Variants in PRR5L observed in about 807,000 individuals in gnomAD.
PRR5L encodes proline-rich protein 5-like.
A neutral mutation model predicts 36.4 loss-of-function variants in PRR5L; 21 were observed. The ratio of observed to expected loss-of-function variants is 0.58; its 90% CI spans 0.41 to 0.83. The LOEUF (loss-of-function observed/expected upper bound fraction) is 0.83, where lower values mean the gene tolerates loss of function less well. PRR5L is among the 40% of genes least tolerant of loss of function. The pLI, the probability that PRR5L is intolerant of heterozygous loss-of-function variation, is 0.00. For missense variants in PRR5L, 381 were observed against 473.3 expected, an observed-to-expected ratio of 0.80 and a Z score of 1.81; for synonymous variants, 188 against 197.0, an observed-to-expected ratio of 0.95 and a Z score of 0.38.
chr11:36,416,802 C>G (rs1054589832), intron 3 of PRR5L, among the ~76,000 whole-genome samples: 2 of 134,484 alleles, frequency 1.5e-5, no homozygotes, highest in Non-Finnish European at 1.6e-5. Context: ...TAGAGTGAAG[C>G]CCCTTCGTGC....
chr11:36,339,252 C>T (rs1377907711), intron 1 of PRR5L, among the ~76,000 whole-genome samples: 1 of 152,222 alleles, frequency 6.6e-6, no homozygotes, highest in Non-Finnish European at 1.5e-5. Context: ...GGCCACCACA[C>T]CCAGCTAATT....
chr11:36,462,054 A>C (rs1351885033), intron 8 of PRR5L, among the ~76,000 whole-genome samples: 2 of 152,214 alleles, frequency 1.3e-5, no homozygotes, highest in African/African-American at 2.4e-5. Context: ...GCAGCAGCTG[A>C]AAAACACACC....
At chr11:36,366,064 C>G (rs1857140958) in intron 1 of PRR5L, among the ~76,000 whole-genome samples, 1 of 152,210 alleles carries the variant, frequency 6.6e-6, no homozygotes, top group Non-Finnish European at 1.5e-5. Context: ...CTTCCCCAAA[C>G]AGTTTTGCAA....
chr11:36,312,063 A>T (rs1336124566), intron 1 of PRR5L, among the ~76,000 whole-genome samples: 4 of 152,200 alleles, frequency 2.6e-5, no homozygotes, highest in African/African-American at 7.2e-5. Context: ...ATTTGGAAAG[A>T]ATCACAAGAA....
intron 2 of PRR5L, 117 bp downstream of exon 2, chr11:36,401,402 A>G: frequency 1.0e-6 from 1 of 995,344 alleles, no homozygotes; most frequent in South Asian, 1.6e-5. Flanking sequence ...TTATGGGGGT[A>G]AATAATGACG....
chr11:36,363,249 C>A (rs935008920), intron 1 of PRR5L, among the ~76,000 whole-genome samples: 2 of 152,124 alleles, frequency 1.3e-5, no homozygotes, highest in Non-Finnish European at 2.9e-5. Flanking sequence ...TATTTATGGA[C>A]CAGGAGAAAA....
At chr11:36,420,725 T>C (rs1429557916) in intron 4 of PRR5L, among the ~76,000 whole-genome samples, 2 of 152,114 alleles carry the variant, frequency 1.3e-5, no homozygotes, top group African/African-American at 2.4e-5. Context: ...TTTAAAGAGA[T>C]TTTAGGTTTT....
chr11:36,382,496 C>T (rs144860445), intron 1 of PRR5L, among the ~76,000 whole-genome samples: 3 of 152,326 alleles, frequency 2.0e-5, no homozygotes, highest in African/African-American at 7.2e-5. Flanking sequence ...CCTGTTAAAC[C>T]ACAGAATCCG....
At chr11:36,346,428 A>G (rs954428576) in intron 1 of PRR5L, among the ~76,000 whole-genome samples, 3 of 152,084 alleles carry the variant, frequency 2.0e-5, no homozygotes, top group African/African-American at 7.2e-5. Flanking sequence ...CTAAAAATAC[A>G]AAAAATTAGC....
At chr11:36,331,870 A>G (rs939194352) in intron 1 of PRR5L, among the ~76,000 whole-genome samples, 14 of 152,192 alleles carry the variant, frequency 9.2e-5, no homozygotes, top group Non-Finnish European at 1.5e-4. Context: ...GTTCTCCAGA[A>G]AAACAGAATG....
intron 4 of PRR5L, among the ~76,000 whole-genome samples, chr11:36,425,148 A>G (rs752657465): frequency 9.9e-5 from 15 of 152,212 alleles, no homozygotes; most frequent in African/African-American, 2.2e-4. Flanking sequence ...TGAGTCCTGC[A>G]TGATTGTGAG....
intron 1 of PRR5L, among the ~76,000 whole-genome samples, chr11:36,303,909 T>C (rs1243807744): frequency 6.6e-6 from 1 of 152,098 alleles, no homozygotes; most frequent in Non-Finnish European, 1.5e-5. Context: ...ACTGAAAGAG[T>C]GGCTTATTGA....
chr11:36,411,018 G>A lies in PRR5L; in HGVS notation c.245+7640G>A, dbSNP rs116191545. ...GGGCAAACCCTACTTGCCAGATGGC[G>A]CAGAAATATTAACTACTGATATGGT... is the stretch of plus-strand genomic sequence containing the variant. On this transcript the variant is annotated intron_variant, in intron 3 of 8. Coordinates refer to ENST00000530639, the MANE Select transcript of PRR5L (RefSeq NM_001160167.2). Among the ~76,000 whole-genome samples the A allele has an allele frequency of 2.6e-3, 401 of 152,326 alleles. 2 individuals are homozygous for A. The highest frequency in any genetic ancestry group is 7.3e-3 in the African/African-American group (303 of 41,566).
At position 36,462,919 on chromosome 11, in the gene PRR5L, T is replaced by A. The variant is rs1045616813; in HGVS notation, c.*183T>A. 1.9e-6 allele frequency: 1 copy of A among 538,260 alleles called. No individual in the cohort carries two copies. The highest frequency in any genetic ancestry group is 3.1e-6 in the Non-Finnish European group (1 of 325,766). 33.3% of individuals were successfully genotyped at this position (538,260 alleles called of 1,614,324 possible). A position where few individuals can be genotyped will look rare whatever the true frequency, so the allele number is the denominator to read the frequency against. On this transcript the variant is annotated 3_prime_UTR_variant, in exon 9 of 9. Coordinates refer to ENST00000530639, the MANE Select transcript of PRR5L (RefSeq NM_001160167.2). ...TTGTAAACCTCTTTATTTTGGTGAC[T>A]GTGACCACTTCTTTGTAGCCACCAA...
Position 36,399,356 on chromosome 11 carries a change from C to T in PRR5L, c.-125-1641C>T, listed in dbSNP as rs555507826. Among the ~76,000 whole-genome samples, 11 of 152,316 alleles carry T rather than the reference C, an allele frequency of 7.2e-5. No homozygotes were observed. In the South Asian group the frequency reaches 2.3e-3, roughly 32 times the overall value. On this transcript the variant is annotated intron_variant, in intron 1 of 8. Transcript: ENST00000530639. ...ATTTCTTTTCTGCCTCTTCGTATTA[C>T]AAGTTCCTTGTTGCTATGCCTGTTG...
intron 1 of PRR5L, among the ~76,000 whole-genome samples, chr11:36,363,572 A>T (rs1225694431): frequency 2.6e-5 from 4 of 152,100 alleles, no homozygotes; most frequent in Non-Finnish European, 5.9e-5. Context: ...CGCCTTTGAG[A>T]GATGAATCAA....
intron 5 of PRR5L, among the ~76,000 whole-genome samples, chr11:36,433,716 AT>A (rs1858547947): frequency 6.6e-6 from 1 of 152,078 alleles, no homozygotes; most frequent in African/African-American, 2.4e-5. Context: ...CGCCCAGCTA[AT>A]TTTTGTATAT....
At chr11:36,372,906 C>A (rs1857211352) in intron 1 of PRR5L, among the ~76,000 whole-genome samples, 2 of 152,014 alleles carry the variant, frequency 1.3e-5, no homozygotes, top group African/African-American at 4.8e-5. Flanking sequence ...GAGCCCACAG[C>A]CAGTGTGCAG....
intron 8 of PRR5L, among the ~76,000 whole-genome samples, chr11:36,460,795 A>G (rs1859163875): frequency 6.6e-6 from 1 of 152,172 alleles, no homozygotes; most frequent in South Asian, 2.1e-4. Flanking sequence ...ACCTGGTACC[A>G]CAGGTGCTTC....
Sources: allele counts gnomAD v4.1 joint callset (sites outside exome capture counted in the v4.1 genomes callset), GRCh38; gene constraint gnomAD v4.1.1; transcripts MANE v1.5; gene names NCBI Gene and HGNC (gene_info 2026-07-23, HGNC 2026-07-21).